Variants in POU6F2 observed in about 807,000 individuals in gnomAD.
POU6F2 encodes POU domain, class 6, transcription factor 2.
POU6F2 carries 31 observed loss-of-function variants against 71.3 expected under a neutral mutation model. That is an observed-to-expected ratio of 0.43 (90% confidence interval 0.33 to 0.59). The LOEUF is 0.59. POU6F2 is among the 20% of genes least tolerant of loss of function. POU6F2 has a pLI of 0.04. For synonymous variants in POU6F2, 347 were observed against 355.7 expected (o/e 0.98, Z 0.27); for missense variants, 783 against 856.8 (o/e 0.91, Z 1.07).
chr7:39,246,019 A>T (rs942862406), intron 4 of POU6F2, among the ~76,000 whole-genome samples: 1 of 152,230 alleles, frequency 6.6e-6, no homozygotes, highest in South Asian at 2.1e-4. Flanking sequence ...AGGGAGCCAT[A>T]TATCAGGAAG....
Position 39,071,173 on chromosome 7 carries a change from G to A in POU6F2, c.106-14687G>A, listed in dbSNP as rs551736102. Reference sequence around the variant, plus strand: ...TGAGCTTGTTTTCCTGCAACTAGAAGGTCCCATCTTGGGGTGATGGAAGAC... The same window carrying A: ...TGAGCTTGTTTTCCTGCAACTAGAAAGTCCCATCTTGGGGTGATGGAAGAC... On this transcript the variant is annotated intron_variant, in intron 1 of 9. Transcript: ENST00000518318. 2.0e-4 allele frequency among the ~76,000 whole-genome samples: 30 copies of A among 152,172 alleles called. No individual in the cohort carries two copies. In the South Asian group the frequency reaches 6.2e-3, roughly 32 times the overall value.
At chr7:39,065,875 A>G (rs915323983) in intron 1 of POU6F2, among the ~76,000 whole-genome samples, 2 of 151,734 alleles carry the variant, frequency 1.3e-5, no homozygotes, top group African/African-American at 2.4e-5. Flanking sequence ...TTTTCAAAAG[A>G]CACATATTCT....
At chr7:39,311,312 A>G (rs1785160860) in intron 4 of POU6F2, among the ~76,000 whole-genome samples, 1 of 151,784 alleles carries the variant, frequency 6.6e-6, no homozygotes. Context: ...ACCAAGTCAT[A>G]TCACCCCTCT....
At chr7:39,318,192 G>A (rs1280572102) in intron 4 of POU6F2, among the ~76,000 whole-genome samples, 2 of 152,074 alleles carry the variant, frequency 1.3e-5, no homozygotes, top group Admixed American at 1.3e-4. Flanking sequence ...TAAGAAATAT[G>A]CCTGATTTCT....
intron 2 of POU6F2, among the ~76,000 whole-genome samples, chr7:39,122,106 G>A (rs1426054319): frequency 6.6e-6 from 1 of 152,190 alleles, no homozygotes; most frequent in Non-Finnish European, 1.5e-5. Context: ...AATTTGTAAT[G>A]TAATCTTAAA....
intron 1 of POU6F2, among the ~76,000 whole-genome samples, chr7:39,053,875 G>A (rs1466707291): frequency 6.6e-6 from 1 of 152,092 alleles, no homozygotes; most frequent in Non-Finnish European, 1.5e-5. Flanking sequence ...GGCAAAGGCG[G>A]GCAGATCACT....
intron 1 of POU6F2, among the ~76,000 whole-genome samples, chr7:39,050,277 T>C (rs574718456): frequency 6.6e-6 from 1 of 152,172 alleles, no homozygotes; most frequent in East Asian, 1.9e-4. Context: ...CAATGATTAG[T>C]GAGAGATTGG....
Position 38,984,133 on chromosome 7 carries a change from G to A in POU6F2, c.105+6075G>A, listed in dbSNP as rs538875697. 5.3e-5 allele frequency: 8 copies of A among 152,006 alleles called. No homozygotes were observed. The South Asian group carries it at 8.3e-4, about 16-fold the overall frequency. The allele number at this position is 152,006 out of a possible 1,614,324, so 9.4% of individuals were successfully genotyped here. ...TTTCACCTATTTTCAGCCTTCCCCC[G>A]ACCCAGGAGGTACATTTTTCCCATG... On this transcript the variant is annotated intron_variant, in intron 1 of 9. Transcript: ENST00000518318.
intron 6 of POU6F2, among the ~76,000 whole-genome samples, chr7:39,413,945 G>T (rs1339679175): frequency 6.6e-6 from 1 of 152,138 alleles, no homozygotes; most frequent in African/African-American, 2.4e-5. Flanking sequence ...AGCCCCTCAA[G>T]ATGCCCCACA....
chr7:39,070,942 A>C (rs1428588191), intron 1 of POU6F2, among the ~76,000 whole-genome samples: 11 of 151,982 alleles, frequency 7.2e-5, no homozygotes, highest in African/African-American at 2.4e-4. Flanking sequence ...CACTTAGAGG[A>C]GTGGATGGTA....
At chr7:39,229,452 C>T (rs1386076981) in intron 4 of POU6F2, among the ~76,000 whole-genome samples, 1 of 152,194 alleles carries the variant, frequency 6.6e-6, no homozygotes, top group East Asian at 1.9e-4. Flanking sequence ...GAGAAAAGTC[C>T]CAATGCACTT....
chr7:39,276,071 G>C (rs1195535337), intron 4 of POU6F2, among the ~76,000 whole-genome samples: 1 of 152,098 alleles, frequency 6.6e-6, no homozygotes, highest in Non-Finnish European at 1.5e-5. Flanking sequence ...TTAAACTAAA[G>C]AGCTTCTGCA....
At chr7:39,339,506 A>G in intron 4 of POU6F2, 136 bp from the exon 5 acceptor site, 1 of 1,292,106 alleles carries the variant, frequency 7.7e-7, no homozygotes, top group South Asian at 1.6e-5. Flanking sequence ...ACTCTTAAAT[A>G]CCAAAGAGCT....
chr7:39,208,910 A>G (rs1794085924), intron 4 of POU6F2, among the ~76,000 whole-genome samples: 1 of 152,110 alleles, frequency 6.6e-6, no homozygotes, highest in East Asian at 1.9e-4. Context: ...TAATGAAGAA[A>G]TGGGCATTAT....
chr7:39,281,289 T>G (rs1784558608), intron 4 of POU6F2, among the ~76,000 whole-genome samples: 1 of 152,156 alleles, frequency 6.6e-6, no homozygotes, highest in African/African-American at 2.4e-5. Flanking sequence ...CATTTATCAT[T>G]TCTTTGTGGT....
intron 4 of POU6F2, among the ~76,000 whole-genome samples, chr7:39,289,542 AAAAATATTAGCTATCAAC>A (rs772899155): frequency 6.6e-6 from 1 of 152,132 alleles, no homozygotes; most frequent in Non-Finnish European, 1.5e-5. Context: ...TTCAATTGTG[AAAAATATTAGCTATCAAC>A]TTTCACTAAT....
chr7:39,268,221 A>G (rs566322233), intron 4 of POU6F2, among the ~76,000 whole-genome samples: 2 of 152,294 alleles, frequency 1.3e-5, no homozygotes, highest in East Asian at 1.9e-4. Flanking sequence ...TGTAAAGTCC[A>G]TCAAAGATAA....
At chr7:39,351,436 CA>C (rs1786137592) in intron 5 of POU6F2, among the ~76,000 whole-genome samples, 1 of 152,148 alleles carries the variant, frequency 6.6e-6, no homozygotes, top group Non-Finnish European at 1.5e-5. Flanking sequence ...AGAAAAAGTT[CA>C]AACCTGGTGA....
chr7:39,182,111 T>C (rs1043490820), intron 2 of POU6F2, among the ~76,000 whole-genome samples: 2 of 152,256 alleles, frequency 1.3e-5, no homozygotes, highest in African/African-American at 4.8e-5. Flanking sequence ...GCACATAAGA[T>C]GTTTCACATT....
Sources: gnomAD v4.1 joint callset for allele counts (sites outside exome capture counted in the v4.1 genomes callset) on GRCh38, gnomAD v4.1.1 for gene constraint, MANE v1.5 for transcripts, NCBI Gene and HGNC (gene_info 2026-07-23, HGNC 2026-07-21) for gene names.